Variants in ROCK2 observed in about 807,000 individuals in gnomAD.
ROCK2 encodes the protein rho-associated protein kinase 2.
Under a neutral mutation model 195.1 loss-of-function variants are expected in ROCK2, and 61 were observed. The ratio of observed to expected loss-of-function variants is 0.31; its 90% CI spans 0.25 to 0.39. The LOEUF (loss-of-function observed/expected upper bound fraction) is 0.39, where lower values mean the gene tolerates loss of function less well. Ranked by LOEUF, ROCK2 falls within the 10% of genes least tolerant of loss-of-function variation. ROCK2 has a pLI of 1.00. For missense variants in ROCK2, 1,109 were observed against 1,637.4 expected (o/e 0.68, Z 5.57); for synonymous variants, 504 against 545.5 (o/e 0.92, Z 1.06).
chr2:11,248,858 G>A (rs1031893378), intron 4 of ROCK2, among the ~76,000 whole-genome samples: 1 of 150,986 alleles, frequency 6.6e-6, no homozygotes, highest in African/African-American at 2.4e-5. Context: ...GTTTTTTGTT[G>A]TTTTTTTTCT....
chr2:11,318,568 G>A (rs1399506242), intron 1 of ROCK2, among the ~76,000 whole-genome samples: 1 of 152,066 alleles, frequency 6.6e-6, no homozygotes, highest in Non-Finnish European at 1.5e-5. Flanking sequence ...CTGTTCTGAT[G>A]GTAGTTTCTT....
chr2:11,259,672 C>G lies in ROCK2; in HGVS notation c.325-9874G>C, dbSNP rs1666156119. 1.3e-5 allele frequency among the ~76,000 whole-genome samples: 2 copies of G among 150,952 alleles called. 1 individual carries two copies. Among genetic ancestry groups the G allele is most frequent in the African/African-American group, 4.9e-5 (2 of 40,460 alleles). ...GTAAAAGTATTAATTAGTAATTATCCTTAGTGATACATAAATCTATACTAA... is the reference window on the plus strand; with the variant it reads ...GTAAAAGTATTAATTAGTAATTATCGTTAGTGATACATAAATCTATACTAA... On this transcript the variant is annotated intron_variant, in intron 3 of 32. Coordinates refer to ENST00000315872, the MANE Select transcript of ROCK2 (RefSeq NM_004850.5).
chr2:11,247,782 G>C (rs751063016), intron 4 of ROCK2, among the ~76,000 whole-genome samples: 8 of 152,168 alleles, frequency 5.3e-5, no homozygotes, highest in Non-Finnish European at 1.0e-4. Flanking sequence ...CACTTTGGGG[G>C]GCCAAGGCAG....
rs1272378561 is a variant in ROCK2, at chr2:11,179,994, C to G, written c.*3443G>C. 6 of 149,492 alleles carry G rather than the reference C, an allele frequency of 4.0e-5. No homozygotes were observed. The highest frequency in any genetic ancestry group is 7.4e-5 in the Non-Finnish European group (5 of 67,856). 9.3% of individuals were successfully genotyped at this position (149,492 alleles called of 1,614,324 possible). A position where few individuals can be genotyped will look rare whatever the true frequency, so the allele number is the denominator to read the frequency against. On this transcript the variant is annotated 3_prime_UTR_variant, in exon 33 of 33. Coordinates refer to ENST00000315872, the MANE Select transcript of ROCK2 (RefSeq NM_004850.5). ...ATGGGGATGGGAGTCAGGGAGAGGC[C>G]CCCCCCCAAGCATGATATCCAGCGC... is the stretch of plus-strand genomic sequence containing the variant.
At chr2:11,310,127 T>A (rs1667987942) in intron 1 of ROCK2, among the ~76,000 whole-genome samples, 1 of 152,178 alleles carries the variant, frequency 6.6e-6, no homozygotes, top group Non-Finnish European at 1.5e-5. Context: ...CTGGTAAATA[T>A]CCCTGTAATA....
chr2:11,304,881 C>T (rs1372595463), intron 1 of ROCK2, among the ~76,000 whole-genome samples: 2 of 152,140 alleles, frequency 1.3e-5, no homozygotes, highest in Admixed American at 6.5e-5. Flanking sequence ...CTGAGCAGCA[C>T]CACAGTTTTA....
chr2:11,274,045 A>C (rs1343723669), intron 3 of ROCK2, among the ~76,000 whole-genome samples: 1 of 152,126 alleles, frequency 6.6e-6, no homozygotes. Flanking sequence ...AAGGGAAATT[A>C]GGAAATACTC....
intron 1 of ROCK2, among the ~76,000 whole-genome samples, chr2:11,330,289 CTTT>C (rs1558399174): frequency 6.6e-6 from 1 of 152,112 alleles, no homozygotes; most frequent in East Asian, 1.9e-4. Context: ...TTTAAAGATA[CTTT>C]TATTATATGT....
At chr2:11,317,600 A>ATT (rs1276721556) in intron 1 of ROCK2, among the ~76,000 whole-genome samples, 2 of 16,592 alleles carry the variant, frequency 1.2e-4, no homozygotes, top group Non-Finnish European at 2.5e-4. Flanking sequence ...ATATATATAT[A>ATT]TATATATATA....
At chr2:11,262,103 C>A (rs2148148025) in intron 3 of ROCK2, among the ~76,000 whole-genome samples, 1 of 152,208 alleles carries the variant, frequency 6.6e-6, no homozygotes, top group South Asian at 2.1e-4. Flanking sequence ...TTTCCCGTCA[C>A]TAGTCTATGA....
At chr2:11,186,899 G>A (rs946366294) in intron 32 of ROCK2, among the ~76,000 whole-genome samples, 24 of 151,994 alleles carry the variant, frequency 1.6e-4, no homozygotes, top group African/African-American at 5.6e-4. Flanking sequence ...TGCTTCCCTC[G>A]TTTCCCCAAG....
intron 3 of ROCK2, among the ~76,000 whole-genome samples, chr2:11,277,963 T>C (rs1666882561): frequency 6.6e-6 from 1 of 152,188 alleles, no homozygotes; most frequent in Non-Finnish European, 1.5e-5. Flanking sequence ...TTTTATTTTT[T>C]AATTGACAAA....
intron 12 of ROCK2, 124 bp from the exon 13 acceptor site, chr2:11,216,330 G>T: frequency 1.4e-6 from 1 of 724,858 alleles, no homozygotes; most frequent in Non-Finnish European, 2.3e-6. Flanking sequence ...ACGAAGTCTT[G>T]CTCTGTTGCC....
chr2:11,306,306 G>A (rs1667856922), intron 1 of ROCK2, among the ~76,000 whole-genome samples: 2 of 152,150 alleles, frequency 1.3e-5, no homozygotes, highest in Admixed American at 1.3e-4. Flanking sequence ...ACCAGTTGGT[G>A]GTAGCTCTCC....
At chr2:11,212,941 A>C (rs2148062140) in intron 17 of ROCK2, among the ~76,000 whole-genome samples, 1 of 152,292 alleles carries the variant, frequency 6.6e-6, no homozygotes, top group Non-Finnish European at 1.5e-5. Flanking sequence ...AGAGGACTAA[A>C]GTGGGTTTAT....
At chr2:11,303,479 C>T (rs1486263328) in intron 1 of ROCK2, among the ~76,000 whole-genome samples, 1 of 152,194 alleles carries the variant, frequency 6.6e-6, no homozygotes, top group East Asian at 1.9e-4. Context: ...CACCTACACA[C>T]TAAATCTCCC....
chr2:11,305,908 A>G (rs1310324201), intron 1 of ROCK2, among the ~76,000 whole-genome samples: 1 of 152,244 alleles, frequency 6.6e-6, no homozygotes, highest in Non-Finnish European at 1.5e-5. Context: ...GAAGTGTACA[A>G]GGACTGATGG....
chr2:11,304,467 C>G (rs1003222023), intron 1 of ROCK2, among the ~76,000 whole-genome samples: 5 of 152,162 alleles, frequency 3.3e-5, no homozygotes, highest in African/African-American at 1.2e-4. Flanking sequence ...AGAACTCCAC[C>G]AGATTTCACC....
chr2:11,258,069 C>T (rs936224864), intron 3 of ROCK2, among the ~76,000 whole-genome samples: 8 of 150,544 alleles, frequency 5.3e-5, no homozygotes, highest in Non-Finnish European at 1.0e-4. Context: ...TTTTAAGAAA[C>T]AAAAACTCTG....
Sources: gnomAD v4.1 joint callset for allele counts (sites outside exome capture counted in the v4.1 genomes callset) on GRCh38, gnomAD v4.1.1 for gene constraint, MANE v1.5 for transcripts, NCBI Gene and HGNC (gene_info 2026-07-23, HGNC 2026-07-21) for gene names.